MSI2: variants seen among roughly 807,000 people sequenced by gnomAD.
MSI2 encodes musashi RNA binding protein 2.
In MSI2, 17 loss-of-function variants were observed where a neutral mutation model predicts 45.6. That is an observed-to-expected ratio of 0.37 (90% CI 0.26 to 0.56). The LOEUF is 0.56. MSI2 is among the 20% of genes least tolerant of loss of function. MSI2 has a pLI of 0.77. For missense variants in MSI2, 293 were observed against 444.2 expected (o/e 0.66, Z 3.06); for synonymous variants, 156 against 158.2 (o/e 0.99, Z 0.11).
At chr17:57,695,647 A>C in the MSI2 span, among the ~76,000 whole-genome samples, 2 of 152,226 alleles carry the variant, frequency 1.3e-5, no homozygotes, top group Non-Finnish European at 2.9e-5. Context: ...ATAAATTAAC[A>C]TAAGGACTCG....
intron 10 of MSI2, among the ~76,000 whole-genome samples, chr17:57,648,246 G>C (rs537440080): frequency 1.4e-4 from 21 of 149,120 alleles, no homozygotes; most frequent in African/African-American, 4.9e-4. Context: ...TCAAGTTATC[G>C]GCCCACCTTG....
intron 5 of MSI2, among the ~76,000 whole-genome samples, chr17:57,271,744 CTTTTTTT>C (rs60803369): frequency 2.8e-5 from 3 of 107,630 alleles, no homozygotes; most frequent in Admixed American, 9.7e-5. Context: ...CCACTGCAAT[CTTTTTTT>C]TTTTTTTTTT....
intron 9 of MSI2, 147 bp downstream of exon 9, chr17:57,616,231 C>T (rs887326963): frequency 1.8e-5 from 11 of 610,992 alleles, no homozygotes; most frequent in Admixed American, 1.2e-4. Flanking sequence ...GATAATTCCC[C>T]GTTCCAAGAC....
chr17:57,584,200 T>C (rs1341462452), intron 7 of MSI2, among the ~76,000 whole-genome samples: 1 of 152,210 alleles, frequency 6.6e-6, no homozygotes, highest in East Asian at 1.9e-4. Context: ...CTCCGCTCCC[T>C]CCTGGCAGAG....
chr17:57,451,759 C>T lies in MSI2; in HGVS notation c.405+50288C>T, dbSNP rs16958417. On this transcript the variant is annotated intron_variant, in intron 6 of 13. Transcript: ENST00000284073. The stretch of plus-strand genomic sequence containing the variant: ...TGCGATTCAGGAATAGTAGCGAGAC[C>T]GGCACAGCTGCCCTGACCAGCCTTC... 8.1e-3 allele frequency among the ~76,000 whole-genome samples: 1,236 copies of T among 152,316 alleles called. 6 individuals are homozygous for T. The highest frequency in any genetic ancestry group is 0.013 in the African/African-American group (544 of 41,566).
chr17:57,667,685 T>A (rs1912469853), intron 11 of MSI2, among the ~76,000 whole-genome samples: 1 of 152,168 alleles, frequency 6.6e-6, no homozygotes, highest in South Asian at 2.1e-4. Context: ...GAAAGTTCTT[T>A]CCTTGGCCTC....
chr17:57,583,228 A>G (rs542793299), intron 7 of MSI2, among the ~76,000 whole-genome samples: 2 of 152,318 alleles, frequency 1.3e-5, no homozygotes, highest in Admixed American at 6.5e-5. Context: ...CGCATAATCT[A>G]TACCTCCATT....
At chr17:57,471,277 CTTTTTTTTTTTTTTT>C (rs529448901) in intron 6 of MSI2, among the ~76,000 whole-genome samples, 1 of 83,712 alleles carries the variant, frequency 1.2e-5, no homozygotes. Flanking sequence ...TTATGGAGCA[CTTTTTTTTTTTTTTT>C]TTTTTTTTTT....
intron 6 of MSI2, among the ~76,000 whole-genome samples, chr17:57,488,062 T>C (rs1355089510): frequency 1.3e-5 from 2 of 151,950 alleles, no homozygotes; most frequent in Admixed American, 6.6e-5. Context: ...AGGAGAGAGC[T>C]GGAAGGAGGA....
chr17:57,309,142 A>G (rs1567749011), intron 5 of MSI2, among the ~76,000 whole-genome samples: 1 of 152,248 alleles, frequency 6.6e-6, no homozygotes, highest in Non-Finnish European at 1.5e-5. Context: ...AGAAATGTTA[A>G]TACTCTTTAA....
At chr17:57,262,398 G>A in intron 5 of MSI2, 1 of 490,252 alleles carries the variant, frequency 2.0e-6, no homozygotes, top group Non-Finnish European at 3.6e-6. Context: ...ACATCCACCT[G>A]GGGGCAGGGA....
At chr17:57,341,562 C>T (rs1211661607) in intron 5 of MSI2, among the ~76,000 whole-genome samples, 1 of 152,180 alleles carries the variant, frequency 6.6e-6, no homozygotes, top group Non-Finnish European at 1.5e-5. Context: ...CCAAGGTGAG[C>T]CCTCCTCTTT....
chr17:57,606,895 T>TGG (rs368966255), intron 8 of MSI2, among the ~76,000 whole-genome samples: 1 of 87,198 alleles, frequency 1.1e-5, no homozygotes, highest in East Asian at 3.1e-4. Flanking sequence ...GGTGGGGTGA[T>TGG]GGGGGGGGGT....
At chr17:57,452,769 TC>T (rs1354625387) in intron 6 of MSI2, among the ~76,000 whole-genome samples, 1 of 152,176 alleles carries the variant, frequency 6.6e-6, no homozygotes, top group African/African-American at 2.4e-5. Flanking sequence ...ATTTTGTACT[TC>T]ATCTTACGTG....
chr17:57,498,778 T>A (rs1274138168), intron 6 of MSI2, among the ~76,000 whole-genome samples: 2 of 152,326 alleles, frequency 1.3e-5, no homozygotes, highest in Non-Finnish European at 2.9e-5. Flanking sequence ...TTTCTTTTTT[T>A]AAATTATACT....
chr17:57,327,504 A>G (rs1913897725), intron 5 of MSI2, among the ~76,000 whole-genome samples: 1 of 152,152 alleles, frequency 6.6e-6, no homozygotes. Context: ...TGACCATGTG[A>G]TTTGTGAATT....
At chr17:57,497,293 A>C (rs769171906) in intron 6 of MSI2, among the ~76,000 whole-genome samples, 14 of 152,274 alleles carry the variant, frequency 9.2e-5, no homozygotes, top group Non-Finnish European at 1.8e-4. Context: ...ACCCCTTTAA[A>C]TGTGACTTTT....
At chr17:57,578,036 T>C (rs2088097319) in intron 7 of MSI2, among the ~76,000 whole-genome samples, 1 of 152,202 alleles carries the variant, frequency 6.6e-6, no homozygotes, top group Non-Finnish European at 1.5e-5. Flanking sequence ...GAAATCCCAT[T>C]ATCCGGGAGA....
intron 6 of MSI2, among the ~76,000 whole-genome samples, chr17:57,471,245 C>T (rs2085430242): frequency 6.6e-6 from 1 of 150,594 alleles, no homozygotes; most frequent in South Asian, 2.1e-4. Context: ...TGCTAACAGA[C>T]TCAGCCATCA....
Sources: allele counts gnomAD v4.1 joint callset (sites outside exome capture counted in the v4.1 genomes callset), GRCh38; gene constraint gnomAD v4.1.1; transcripts MANE v1.5; gene names NCBI Gene and HGNC (gene_info 2026-07-23, HGNC 2026-07-21).